KDM2B: variants seen among roughly 807,000 people sequenced by gnomAD.
The protein encoded by KDM2B is lysine-specific demethylase 2B.
Under a neutral mutation model 150.0 loss-of-function variants are expected in KDM2B, and 26 were observed. That is an observed-to-expected ratio of 0.17 (90% confidence interval 0.13 to 0.24). The LOEUF is 0.24. KDM2B is among the 10% of genes least tolerant of loss of function. The probability of loss-of-function intolerance (pLI) is 1.00; values close to 1 mark genes in which losing one functional copy is unlikely to be tolerated. For missense variants in KDM2B, 1,265 were observed against 1,816.9 expected, an observed-to-expected ratio of 0.70 and a Z score of 5.52; for synonymous variants, 734 against 729.5, an observed-to-expected ratio of 1.01 and a Z score of -0.10.
At chr12:121,556,066 A>G (rs1889867609) in intron 4 of KDM2B, among the ~76,000 whole-genome samples, 1 of 151,996 alleles carries the variant, frequency 6.6e-6, no homozygotes, top group African/African-American at 2.4e-5. Context: ...AGCTGGGACT[A>G]CAAGAACGCA....
At chr12:121,443,142 G>A (rs1402478770) in intron 17 of KDM2B, 112 bp from the exon 18 acceptor site, 1 of 1,035,436 alleles carries the variant, frequency 9.7e-7, no homozygotes, top group African/African-American at 1.6e-5. Context: ...GGGCTGGAGG[G>A]AGGCCTTCCC....
At chr12:121,571,194 A>C (rs555986486) in intron 4 of KDM2B, among the ~76,000 whole-genome samples, 10 of 152,336 alleles carry the variant, frequency 6.6e-5, no homozygotes, top group African/African-American at 2.4e-4. Flanking sequence ...GCGATGGGGG[A>C]ATTGATACAG....
rs1357722717 is a variant in KDM2B at position 121,509,980 on chromosome 12, C to T, written c.1234G>A (p.Glu412Lys). The T allele has an allele frequency of 1.2e-6, 2 of 1,600,684 alleles. No individual in the cohort carries two copies. The highest frequency in any genetic ancestry group is 1.7e-6 in the Non-Finnish European group (2 of 1,172,792). Residue 412 changes from glutamate to lysine, a missense_variant, in exon 11 of 23, where the codon GAG becomes AAG. Physicochemically the swap from Glu to Lys is moderately conservative, Grantham distance 56. Around this residue, in one of 11 missense-constraint regions of KDM2B, gnomAD observed 154 missense variants for 162.5 expected, o/e 0.95. Transcript: ENST00000377071. ...FSSDSWLEME[E>K]EACDQQPQEE... Reference sequence around the variant, plus strand: ...TGAGGCTGCTGATCACAGGCCTCCTCCTCCATCTCCAGCCAGGAATCCGAA... The same window carrying T: ...TGAGGCTGCTGATCACAGGCCTCCTTCTCCATCTCCAGCCAGGAATCCGAA...
At chr12:121,578,986 G>C in intron 1 of KDM2B, 40 bp from the exon 2 acceptor site, 1 of 1,586,638 alleles carries the variant, frequency 6.3e-7, no homozygotes, top group Non-Finnish European at 8.6e-7. Flanking sequence ...ACATTATTGT[G>C]GGGGCTGGAG....
chr12:121,495,309 C>T (rs11065596), intron 11 of KDM2B, among the ~76,000 whole-genome samples: 30,773 of 152,010 alleles, frequency 0.2, 5,283 homozygotes, highest in African/African-American at 0.47. Flanking sequence ...TGCAGGTGTG[C>T]ACCACCACGC....
intron 11 of KDM2B, among the ~76,000 whole-genome samples, chr12:121,508,990 A>C (rs80097692): frequency 7.9e-5 from 12 of 152,130 alleles, no homozygotes; most frequent in Non-Finnish European, 1.5e-4. Flanking sequence ...GTGGGGACTC[A>C]GGTTTCCAAT....
the KDM2B span, among the ~76,000 whole-genome samples, chr12:121,420,943 T>G: frequency 1.3e-5 from 2 of 152,118 alleles, no homozygotes; most frequent in African/African-American, 4.8e-5. Context: ...TGGAAAGGAG[T>G]AACTTCATTA....
chr12:121,499,433 A>T (rs1372777696), intron 11 of KDM2B, among the ~76,000 whole-genome samples: 1 of 151,456 alleles, frequency 6.6e-6, no homozygotes, highest in Non-Finnish European at 1.5e-5. Flanking sequence ...TAATTTTTTT[A>T]ATTACAATTG....
chr12:121,556,314 TG>T (rs1338658526), intron 4 of KDM2B, among the ~76,000 whole-genome samples: 4 of 151,924 alleles, frequency 2.6e-5, no homozygotes, highest in African/African-American at 9.7e-5. Context: ...CTCAAACTCC[TG>T]GGCTCAAGCG....
At chr12:121,534,722 C>T in intron 6 of KDM2B, 132 bp from the exon 7 acceptor site, 1 of 649,330 alleles carries the variant, frequency 1.5e-6, no homozygotes, top group Non-Finnish European at 2.7e-6. Flanking sequence ...TTTTTTTCTT[C>T]TTTAAAAATC....
intron 4 of KDM2B, among the ~76,000 whole-genome samples, chr12:121,559,056 C>T (rs374850090): frequency 2.6e-5 from 4 of 152,328 alleles, no homozygotes; most frequent in Middle Eastern, 6.8e-3. Flanking sequence ...CCAGGGTCCC[C>T]GCTGACTACA....
chr12:121,413,727 C>A, the KDM2B span, among the ~76,000 whole-genome samples: 1 of 151,950 alleles, frequency 6.6e-6, no homozygotes, highest in African/African-American at 2.4e-5. Flanking sequence ...ACAGGCCCCA[C>A]CAGCATGCCC....
chr12:121,471,801 G>A (rs1880796338), intron 12 of KDM2B, among the ~76,000 whole-genome samples: 1 of 152,120 alleles, frequency 6.6e-6, no homozygotes. Context: ...CCAATGACGG[G>A]CTGGTACCCT....
intron 11 of KDM2B, among the ~76,000 whole-genome samples, chr12:121,502,897 C>A (rs1452235318): frequency 6.6e-6 from 1 of 151,540 alleles, no homozygotes; most frequent in Non-Finnish European, 1.5e-5. Flanking sequence ...TGCTCTCCAG[C>A]CTCGGTGACA....
rs1243104263 is a variant in KDM2B at position 121,521,225 on chromosome 12, G to A, written c.932-125C>T. 4.6e-6 allele frequency: 3 copies of A among 649,750 alleles called. No individual in the cohort carries two copies. The highest frequency in any genetic ancestry group is 8.2e-6 in the Non-Finnish European group (3 of 364,658). 40.2% of individuals were successfully genotyped at this position (649,750 alleles called of 1,614,324 possible). On this transcript the variant is annotated intron_variant, in intron 8 of 22. Coordinates refer to ENST00000377071, the MANE Select transcript of KDM2B (RefSeq NM_032590.5). The surrounding 1 kb of genome is among the most constrained non-coding windows in gnomAD (Gnocchi z 4.9). The stretch of plus-strand genomic sequence containing the variant: ...CAGGGAGTGGAGAAGAGCAGCCAGG[G>A]CCTGGGGCAGCGGCGCCCAGCAATG...
At chr12:121,431,715 CA>C (rs1244243758) in intron 22 of KDM2B, among the ~76,000 whole-genome samples, 1 of 152,064 alleles carries the variant, frequency 6.6e-6, no homozygotes, top group East Asian at 1.9e-4. Context: ...ACAGAATCTT[CA>C]AACAGATGCT....
At chr12:121,532,127 A>G (rs1887705713) in intron 8 of KDM2B, among the ~76,000 whole-genome samples, 1 of 151,878 alleles carries the variant, frequency 6.6e-6, no homozygotes, top group Admixed American at 6.6e-5. Context: ...TCAAAAAAAA[A>G]AGAAAAAAAG....
At chr12:121,480,583 CAA>C (rs35490517) in intron 12 of KDM2B, among the ~76,000 whole-genome samples, 741 of 63,210 alleles carry the variant, frequency 0.012, 2 homozygotes, top group African/African-American at 0.033. Flanking sequence ...CTGTCGCTAC[CAA>C]AAAAAAAAAA....
At chr12:121,450,858 CAA>C (rs1555291468) in intron 13 of KDM2B, among the ~76,000 whole-genome samples, 2 of 128,352 alleles carry the variant, frequency 1.6e-5, no homozygotes, top group Non-Finnish European at 1.7e-5. Context: ...AAGACTCCAT[CAA>C]AAAAAAAAAA....
Sources: gnomAD v4.1 joint callset for allele counts (sites outside exome capture counted in the v4.1 genomes callset) on GRCh38, gnomAD v4.1.1 for gene constraint, gnomAD v4.1.1 regional missense constraint, Gnocchi (gnomAD v3.1) non-coding constraint, MANE v1.5 for transcripts, NCBI Gene and HGNC (gene_info 2026-07-23, HGNC 2026-07-21) for gene names.